Variants in ADGRG6 observed in about 807,000 individuals in gnomAD.
The protein encoded by ADGRG6 is G-protein coupled receptor 126.
ADGRG6 carries 84 observed loss-of-function variants against 142.4 expected under a neutral mutation model. The observed-to-expected ratio is 0.59, with a 90% CI of 0.49 to 0.71. The LOEUF is 0.71. Among genes scored for constraint, ADGRG6 ranks in the 30% least tolerant of loss-of-function variants. ADGRG6 has a pLI of 0.00. For missense variants in ADGRG6, 1,367 were observed against 1,466.6 expected (o/e 0.93, Z 1.11); for synonymous variants, 521 against 520.5 (o/e 1.00, Z -0.01).
chr6:142,356,076 A>T (rs189990230), intron 2 of ADGRG6, among the ~76,000 whole-genome samples: 12 of 152,326 alleles, frequency 7.9e-5, no homozygotes, highest in African/African-American at 2.9e-4. Flanking sequence ...AGCCCAGTGC[A>T]ATTTGAAATT....
intron 9 of ADGRG6, among the ~76,000 whole-genome samples, chr6:142,395,002 G>A (rs1201207002): frequency 1.3e-5 from 2 of 152,080 alleles, no homozygotes; most frequent in African/African-American, 4.8e-5. Flanking sequence ...TGATGACGGA[G>A]CTTGCTTCTT....
intron 2 of ADGRG6, among the ~76,000 whole-genome samples, chr6:142,355,271 G>A (rs1780388029): frequency 6.6e-6 from 1 of 151,636 alleles, no homozygotes; most frequent in Non-Finnish European, 1.5e-5. Flanking sequence ...TAATCACTGG[G>A]GCTCAGTCTT....
At chr6:142,391,101 G>A (rs1336790529) in intron 7 of ADGRG6, among the ~76,000 whole-genome samples, 1 of 151,516 alleles carries the variant, frequency 6.6e-6, no homozygotes, top group East Asian at 1.9e-4. Flanking sequence ...TAAACATTTT[G>A]TAGTTTTCAA....
At position 142,415,937 on chromosome 6, in the gene ADGRG6, G is replaced by T; in HGVS notation, c.2811G>T (p.Leu937Phe). ...TTTGCATTGCTGTTGCAGTCCTGTT[G>T]CATTTCTTCCTTCTGGCAACCTTTA... is the stretch of plus-strand genomic sequence containing the variant. Reference protein sequence around the residue: ...DGLCIAVAVLLHFFLLATFTW... With the variant: ...DGLCIAVAVLFHFFLLATFTW... The change falls in exon 20 of 25, where the codon TTG becomes TTT. Residue 937 changes from leucine (L) to phenylalanine (F), a missense_variant. Transcript: ENST00000367609. 1 of 1,613,618 alleles carries T rather than the reference G, an allele frequency of 6.2e-7. No homozygotes were observed. Among genetic ancestry groups the T allele is most frequent in the East Asian group, 2.2e-5 (1 of 44,872 alleles).
chr6:142,364,217 A>C (rs1780845811), intron 2 of ADGRG6, among the ~76,000 whole-genome samples: 1 of 152,132 alleles, frequency 6.6e-6, no homozygotes, highest in Non-Finnish European at 1.5e-5. Flanking sequence ...GTTATTGTGA[A>C]TTGCTCTATA....
At position 142,411,460 on chromosome 6, in the gene ADGRG6, G is replaced by A. The variant is rs776581652; in HGVS notation, c.2541+49G>A. On this transcript the variant is annotated intron_variant, in intron 18 of 24. Coordinates refer to ENST00000367609, the MANE Select transcript of ADGRG6 (RefSeq NM_198569.3). ...ATTTTGACATGCTGTAACTTTGGAT[G>A]GCATACTCCTTTTTTGTATGTATTT... is the stretch of plus-strand genomic sequence containing the variant. 3.4e-6 allele frequency: 3 copies of A among 886,946 alleles called. No individual in the cohort carries two copies. The East Asian group carries it at 7.2e-5, about 21-fold the overall frequency. 54.9% of individuals were successfully genotyped at this position (886,946 alleles called of 1,614,324 possible). A position where few individuals can be genotyped will look rare whatever the true frequency, so the allele number is the denominator to read the frequency against.
rs532735717 is a variant in ADGRG6, at chr6:142,341,431, T to C, written c.104-26138T>C. Among the ~76,000 whole-genome samples, 15 of 119,436 alleles carry C rather than the reference T, an allele frequency of 1.3e-4. No homozygotes were observed. In the South Asian group the frequency reaches 3.4e-3, roughly 27 times the overall value. 78.4% of individuals were successfully genotyped at this position (119,436 alleles called of 152,430 possible). On this transcript the variant is annotated intron_variant, in intron 2 of 24. Transcript: ENST00000367609. ...TATTATATAATATAATTATATAATA[T>C]ATATAATTATATATATAGTATATAT...
intron 12 of ADGRG6, 78 bp from the exon 13 acceptor site, chr6:142,402,542 C>T (rs2115018679): frequency 1.4e-6 from 1 of 738,474 alleles, no homozygotes; most frequent in South Asian, 1.8e-5. Context: ...TGAAATATTA[C>T]ACTCTACTTT....
chr6:142,346,819 G>C (rs908571698), intron 2 of ADGRG6, among the ~76,000 whole-genome samples: 11 of 143,756 alleles, frequency 7.7e-5, no homozygotes, highest in African/African-American at 2.8e-4. Context: ...AGTGGGACTT[G>C]AGCAATGAGA....
chr6:142,333,115 C>T (rs913668887), intron 2 of ADGRG6, among the ~76,000 whole-genome samples: 17 of 152,186 alleles, frequency 1.1e-4, no homozygotes, highest in Non-Finnish European at 2.2e-4. Flanking sequence ...ATGTGCCTTA[C>T]ATTTCAGAGC....
At chr6:142,321,286 T>TACACACACACACACACACACAC (rs10632214) in intron 2 of ADGRG6, among the ~76,000 whole-genome samples, 16 of 147,884 alleles carry the variant, frequency 1.1e-4, no homozygotes, top group African/African-American at 4.0e-4. Flanking sequence ...TAAGCATGCA[T>TACACACACACACACACACACAC]ACACACACAC....
intron 24 of ADGRG6, among the ~76,000 whole-genome samples, chr6:142,442,159 TG>T (rs1273232023): frequency 6.6e-6 from 1 of 152,222 alleles, no homozygotes; most frequent in Non-Finnish European, 1.5e-5. Context: ...TAAAAAGCAT[TG>T]GAGTGAAGAT....
intron 2 of ADGRG6, 137 bp downstream of exon 2, chr6:142,309,781 GT>G: frequency 2.1e-6 from 1 of 486,500 alleles, no homozygotes; most frequent in Non-Finnish European, 3.6e-6. Context: ...TTATAGGGCA[GT>G]TTTTTTCTGT....
chr6:142,333,283 A>G (rs1779152912), intron 2 of ADGRG6, among the ~76,000 whole-genome samples: 2 of 152,140 alleles, frequency 1.3e-5, no homozygotes, highest in African/African-American at 4.8e-5. Flanking sequence ...TGTCTGTATG[A>G]TGACTCCTTT....
rs970047121 is a variant in ADGRG6 at position 142,316,800 on chromosome 6, G to GT, written c.103+7165dup. Among the ~76,000 whole-genome samples, 107 of 150,992 alleles carry GT rather than the reference G, an allele frequency of 7.1e-4. 1 individual carries two copies. Among genetic ancestry groups the GT allele is most frequent in the East Asian group, 6.8e-3 (35 of 5,152 alleles). On this transcript the variant is annotated intron_variant, in intron 2 of 24. Coordinates refer to ENST00000367609, the MANE Select transcript of ADGRG6 (RefSeq NM_198569.3). ...ACTTTTAGAGATAATTTACCTTAGT[G>GT]TTTTTTTTTAATTTTAGAGAAAATG... is the stretch of plus-strand genomic sequence containing the variant.
At chr6:142,408,077 CT>C in intron 15 of ADGRG6, 72 bp from the exon 16 acceptor site, 1 of 1,127,306 alleles carries the variant, frequency 8.9e-7, no homozygotes, top group Admixed American at 2.6e-5. Context: ...TGACAGTTTG[CT>C]TATTTTGGAG....
chr6:142,337,197 A>G (rs534053893), intron 2 of ADGRG6, among the ~76,000 whole-genome samples: 1 of 152,316 alleles, frequency 6.6e-6, no homozygotes, highest in African/African-American at 2.4e-5. Context: ...TGTGTCTTCA[A>G]GCATTTCATG....
chr6:142,394,411 C>G (rs1775063035), intron 9 of ADGRG6, among the ~76,000 whole-genome samples: 2 of 152,074 alleles, frequency 1.3e-5, no homozygotes, highest in South Asian at 4.1e-4. Flanking sequence ...CAGGATCATG[C>G]CTTAATCATG....
At chr6:142,347,233 T>A (rs918098197) in intron 2 of ADGRG6, among the ~76,000 whole-genome samples, 3 of 152,186 alleles carry the variant, frequency 2.0e-5, no homozygotes, top group Non-Finnish European at 4.4e-5. Flanking sequence ...GAAAGTTTGC[T>A]TATAGTCAGA....
Sources: allele counts gnomAD v4.1 joint callset (sites outside exome capture counted in the v4.1 genomes callset), GRCh38; gene constraint gnomAD v4.1.1; transcripts MANE v1.5; gene names NCBI Gene and HGNC (gene_info 2026-07-23, HGNC 2026-07-21).